Variants in MTHFD1L observed in about 807,000 individuals in gnomAD.
MTHFD1L encodes the protein monofunctional C1-tetrahydrofolate synthase, mitochondrial.
MTHFD1L carries 81 observed loss-of-function variants against 119.5 expected under a neutral mutation model. That is an observed-to-expected ratio of 0.68 (90% CI 0.57 to 0.82). The LOEUF is 0.82. MTHFD1L is among the 40% of genes least tolerant of loss of function. The pLI is 0.00. For synonymous variants in MTHFD1L, 430 were observed against 475.2 expected (o/e 0.90, Z 1.24); for missense variants, 1,125 against 1,253.4 (o/e 0.90, Z 1.55).
chr6:150,980,725 A>AAG (rs1491087547), intron 20 of MTHFD1L, among the ~76,000 whole-genome samples: 1 of 146,120 alleles, frequency 6.8e-6, no homozygotes, highest in Non-Finnish European at 1.5e-5. Flanking sequence ...AAAAAAAAAA[A>AAG]AGAAAGAAAG....
intron 15 of MTHFD1L, among the ~76,000 whole-genome samples, chr6:150,948,272 G>T (rs932832046): frequency 2.0e-5 from 3 of 152,026 alleles, no homozygotes; most frequent in Non-Finnish European, 4.4e-5. Context: ...CTCCCAAAGC[G>T]CTGGGATTAC....
chr6:150,936,258 T>A (rs1264658760), intron 11 of MTHFD1L, among the ~76,000 whole-genome samples: 1 of 152,152 alleles, frequency 6.6e-6, no homozygotes, highest in Non-Finnish European at 1.5e-5. Context: ...GTCATGACCT[T>A]ATCACCATCT....
chr6:151,018,351 A>G (rs1419128517), intron 24 of MTHFD1L, among the ~76,000 whole-genome samples: 1 of 152,232 alleles, frequency 6.6e-6, no homozygotes, highest in Non-Finnish European at 1.5e-5. Context: ...CTGGAGTCAC[A>G]GTGGTGAGAG....
At chr6:151,085,009 ATATT>A (rs1487005713) in intron 26 of MTHFD1L, among the ~76,000 whole-genome samples, 2,422 of 130,128 alleles carry the variant, frequency 0.019, 55 homozygotes, top group African/African-American at 0.065. Flanking sequence ...ATATATGTAT[ATATT>A]TATATATGTA....
intron 26 of MTHFD1L, among the ~76,000 whole-genome samples, chr6:151,044,592 C>T (rs1163781222): frequency 2.6e-5 from 4 of 152,116 alleles, no homozygotes; most frequent in Non-Finnish European, 4.4e-5. Flanking sequence ...TGAGCCACTG[C>T]GCCCGGCCAA....
At chr6:150,978,272 A>G (rs1776929272) in intron 20 of MTHFD1L, among the ~76,000 whole-genome samples, 1 of 152,098 alleles carries the variant, frequency 6.6e-6, no homozygotes, top group Admixed American at 6.6e-5. Context: ...AAGAGAGAGA[A>G]AGAACTGTTG....
chr6:150,973,922 T>C (rs796211924), intron 20 of MTHFD1L, among the ~76,000 whole-genome samples: 2 of 152,322 alleles, frequency 1.3e-5, no homozygotes, highest in African/African-American at 4.8e-5. Flanking sequence ...AAAAGAATAC[T>C]TCTGTATTTT....
intron 20 of MTHFD1L, among the ~76,000 whole-genome samples, chr6:151,007,583 C>T (rs751411149): frequency 2.6e-5 from 4 of 152,132 alleles, no homozygotes; most frequent in Non-Finnish European, 5.9e-5. Context: ...GGGAGGGATC[C>T]GGGGTCCCGT....
At chr6:150,990,265 G>A (rs985126975) in intron 20 of MTHFD1L, among the ~76,000 whole-genome samples, 2 of 149,910 alleles carry the variant, frequency 1.3e-5, no homozygotes, top group Admixed American at 6.8e-5. Flanking sequence ...GCGACGGAGT[G>A]AGATTCTGTC....
chr6:151,031,947 CCT>C (rs1438270520), intron 24 of MTHFD1L, among the ~76,000 whole-genome samples: 2 of 152,150 alleles, frequency 1.3e-5, no homozygotes, highest in Non-Finnish European at 2.9e-5. Context: ...ATTTGTGTCA[CCT>C]CTGTTATATA....
At chr6:151,081,021 G>A (rs1204657494) in intron 26 of MTHFD1L, among the ~76,000 whole-genome samples, 4 of 152,028 alleles carry the variant, frequency 2.6e-5, no homozygotes, top group Admixed American at 6.6e-5. Flanking sequence ...TCGTATTGGG[G>A]GATTAGGATG....
chr6:150,988,910 T>G (rs1475858761), intron 20 of MTHFD1L, among the ~76,000 whole-genome samples: 1 of 151,320 alleles, frequency 6.6e-6, no homozygotes, highest in Non-Finnish European at 1.5e-5. Flanking sequence ...CCAGCTAATT[T>G]TGTATTTTTA....
intron 13 of MTHFD1L, among the ~76,000 whole-genome samples, chr6:150,941,276 C>T (rs1175534347): frequency 6.6e-6 from 1 of 152,128 alleles, no homozygotes; most frequent in Admixed American, 6.5e-5. Context: ...GGCTGGAGCC[C>T]CGTGGGCCAG....
At chr6:151,061,855 A>G (rs903473483) in intron 26 of MTHFD1L, among the ~76,000 whole-genome samples, 20 of 152,102 alleles carry the variant, frequency 1.3e-4, no homozygotes, top group Non-Finnish European at 7.4e-5. Flanking sequence ...TTGGTTGCAC[A>G]TTTTTCTATT....
chr6:151,071,238 GAAGTGA>G (rs1791913534), intron 26 of MTHFD1L, among the ~76,000 whole-genome samples: 2 of 152,112 alleles, frequency 1.3e-5, no homozygotes, highest in South Asian at 4.1e-4. Flanking sequence ...AGAGGGAGAA[GAAGTGA>G]AAGTGAAATT....
chr6:151,063,716 T>C (rs1475862057), intron 26 of MTHFD1L, among the ~76,000 whole-genome samples: 1 of 152,204 alleles, frequency 6.6e-6, no homozygotes, highest in Non-Finnish European at 1.5e-5. Context: ...TGCAAACTTA[T>C]GCAAATGTAT....
chr6:151,004,252 G>A (rs562227040), intron 20 of MTHFD1L, among the ~76,000 whole-genome samples: 248 of 152,118 alleles, frequency 1.6e-3, no homozygotes, highest in African/African-American at 5.9e-3. Flanking sequence ...TTGAACGTGG[G>A]AGGCGGAGGT....
chr6:151,057,362 C>T (rs1021899899), intron 26 of MTHFD1L: 1 of 985,044 alleles, frequency 1.0e-6, no homozygotes, highest in African/African-American at 1.7e-5. Flanking sequence ...AGAGACCGGC[C>T]AGGTACTGTG....
At chr6:150,992,974 C>G (rs906530742) in intron 20 of MTHFD1L, among the ~76,000 whole-genome samples, 1 of 152,128 alleles carries the variant, frequency 6.6e-6, no homozygotes, top group Non-Finnish European at 1.5e-5. Context: ...CTGTGATGCT[C>G]GGTTAAGTTT....
Sources: allele counts gnomAD v4.1 joint callset (sites outside exome capture counted in the v4.1 genomes callset), GRCh38; gene constraint gnomAD v4.1.1; transcripts MANE v1.5; gene names NCBI Gene and HGNC (gene_info 2026-07-23, HGNC 2026-07-21).